Variants in LRFN2 observed in about 807,000 individuals in gnomAD.
LRFN2 encodes the protein leucine rich repeat and fibronectin type III domain containing 2, also known as leucine-rich repeat and fibronectin type-III domain-containing protein 2.
A neutral mutation model predicts 37.3 loss-of-function variants in LRFN2; 18 were observed. The ratio of observed to expected loss-of-function variants is 0.48; its 90% CI spans 0.33 to 0.72. The LOEUF (loss-of-function observed/expected upper bound fraction) is 0.72, where lower values mean the gene tolerates loss of function less well. Among genes scored for constraint, LRFN2 ranks in the 30% least tolerant of loss-of-function variants. LRFN2 has a pLI of 0.02. For synonymous variants in LRFN2, 556 were observed against 466.6 expected (o/e 1.19, Z -2.47); for missense variants, 1,006 against 1,060.7 (o/e 0.95, Z 0.72).
chr6:40,550,056 A>ATAAAAG (rs1383639808), intron 1 of LRFN2, among the ~76,000 whole-genome samples: 2 of 152,128 alleles, frequency 1.3e-5, no homozygotes, highest in Non-Finnish European at 2.9e-5. Flanking sequence ...AAAAATAAAA[A>ATAAAAG]TAAATAAACT....
chr6:40,408,610 G>A (rs909697152), intron 2 of LRFN2, among the ~76,000 whole-genome samples: 1 of 152,194 alleles, frequency 6.6e-6, no homozygotes, highest in Non-Finnish European at 1.5e-5. Context: ...TTCAAATCCT[G>A]CTCTAGCAAT....
intron 1 of LRFN2, among the ~76,000 whole-genome samples, chr6:40,522,973 G>C (rs1766130445): frequency 6.6e-6 from 1 of 152,190 alleles, no homozygotes; most frequent in Non-Finnish European, 1.5e-5. Context: ...GGGAAGGACA[G>C]ACACACAGGC....
intron 1 of LRFN2, among the ~76,000 whole-genome samples, chr6:40,455,058 AT>A (rs1368506851): frequency 6.6e-6 from 1 of 152,218 alleles, no homozygotes; most frequent in African/African-American, 2.4e-5. Context: ...CACTGTTCCC[AT>A]TTTTTAAATT....
At chr6:40,397,330 T>C (rs969029198) in intron 2 of LRFN2, among the ~76,000 whole-genome samples, 1 of 152,192 alleles carries the variant, frequency 6.6e-6, no homozygotes, top group East Asian at 1.9e-4. Flanking sequence ...CCACATACAG[T>C]GTTAGCTTAG....
At chr6:40,505,875 G>C (rs1379830050) in intron 1 of LRFN2, among the ~76,000 whole-genome samples, 1 of 152,194 alleles carries the variant, frequency 6.6e-6, no homozygotes, top group East Asian at 1.9e-4. Context: ...GCCAGCTAGA[G>C]ATCCAAGGCA....
chr6:40,431,763 T>C lies in LRFN2; in HGVS notation c.1351A>G (p.Met451Val). The part of the protein sequence containing the change: ...SVSKSAPRVK[M>V]YQLQYNCSDD... ...GAGCAGTTGTACTGCAGCTGGTACA[T>C]CTTCACCCGGGGTGCTGACTTGCTG... Residue 451 changes from methionine (M) to valine (V), a missense_variant, in exon 2 of 3, where the codon ATG becomes GTG. This residue lies in a region of LRFN2 where 120 missense variants were observed against 178.4 expected (regional missense o/e 0.67). Transcript: ENST00000338305. The C allele has an allele frequency of 6.6e-7, 1 of 1,525,962 alleles. No homozygotes were observed. Among genetic ancestry groups the C allele is most frequent in the South Asian group, 1.3e-5 (1 of 76,264 alleles). The allele number at this position is 1,525,962 out of a possible 1,614,324, so 94.5% of individuals were successfully genotyped here. A position where few individuals can be genotyped will look rare whatever the true frequency, so the allele number is the denominator to read the frequency against.
At chr6:40,545,807 G>A (rs551355505) in intron 1 of LRFN2, among the ~76,000 whole-genome samples, 4 of 152,230 alleles carry the variant, frequency 2.6e-5, no homozygotes, top group Middle Eastern at 3.4e-3. Context: ...GGTCAACCAC[G>A]GCCCCTCTAA....
At chr6:40,577,830 T>G (rs9471382) in intron 1 of LRFN2, among the ~76,000 whole-genome samples, 1 of 143,512 alleles carries the variant, frequency 7.0e-6, no homozygotes, top group East Asian at 2.1e-4. Context: ...AAAATAAAAA[T>G]AAATAAAAAT....
In LRFN2 at chr6:40,392,245, C is replaced by A. The variant is rs1216759568; in HGVS notation, c.2068G>T (p.Gly690Cys). ...AGRGAGTSAR[G>C]HHSDREPLLG... ...AGTGGCTCTCGGTCCGAGTGGTGGC[C>A]CCGGGCCGACGTCCCAGCCCCTCTC... is the stretch of plus-strand genomic sequence containing the variant. Residue 690 changes from glycine (G) to cysteine (C), a missense_variant, in exon 3 of 3, where the codon GGC becomes TGC. Transcript: ENST00000338305. This position sits in a 1 kb window ranked among gnomAD's most constrained non-coding sequence, Gnocchi z 4.7. 1.3e-6 allele frequency: 2 copies of A among 1,576,254 alleles called. No individual in the cohort carries two copies. Among genetic ancestry groups the A allele is most frequent in the South Asian group, 2.4e-5 (2 of 83,912 alleles).
At chr6:40,554,144 C>T (rs1458028964) in intron 1 of LRFN2, among the ~76,000 whole-genome samples, 2 of 152,220 alleles carry the variant, frequency 1.3e-5, no homozygotes, top group Admixed American at 6.5e-5. Context: ...ACTCCTGTCC[C>T]CCCGAAGTGG....
chr6:40,531,502 A>G lies in LRFN2; in HGVS notation c.-19+55439T>C, dbSNP rs1012049106. Reference sequence around the variant, plus strand: ...GTATGCCTCAAGATAGCTGTAGTCAATTCTACCCAATGGTCTTCTGAGAGT... The same window carrying G: ...GTATGCCTCAAGATAGCTGTAGTCAGTTCTACCCAATGGTCTTCTGAGAGT... On this transcript the variant is annotated intron_variant, in intron 1 of 2. Coordinates refer to ENST00000338305, the MANE Select transcript of LRFN2 (RefSeq NM_020737.3). Among the ~76,000 whole-genome samples the G allele has an allele frequency of 5.3e-5, 8 of 152,242 alleles. No homozygotes were observed. In the South Asian group the frequency reaches 6.2e-4, roughly 12 times the overall value.
intron 1 of LRFN2, among the ~76,000 whole-genome samples, chr6:40,536,026 G>A (rs1766442444): frequency 6.6e-6 from 1 of 152,084 alleles, no homozygotes; most frequent in African/African-American, 2.4e-5. Flanking sequence ...AGTCAGGTGG[G>A]GAGATGGAAA....
chr6:40,431,315 G>A (rs1763474385), intron 2 of LRFN2, among the ~76,000 whole-genome samples: 4 of 152,182 alleles, frequency 2.6e-5, no homozygotes, highest in Admixed American at 2.6e-4. Flanking sequence ...CTGCATATGA[G>A]TCCAGGTGAA....
intron 1 of LRFN2, among the ~76,000 whole-genome samples, chr6:40,496,532 G>T (rs1310476612): frequency 6.6e-6 from 1 of 151,824 alleles, no homozygotes; most frequent in African/African-American, 2.4e-5. Context: ...TAGAATCTTT[G>T]CACTGATTAG....
intron 2 of LRFN2, among the ~76,000 whole-genome samples, chr6:40,412,527 A>G (rs1404427835): frequency 1.3e-5 from 2 of 152,092 alleles, no homozygotes; most frequent in Non-Finnish European, 2.9e-5. Context: ...CTGGCCTGAG[A>G]GCTTCTCCCA....
intron 1 of LRFN2, among the ~76,000 whole-genome samples, chr6:40,578,791 A>G (rs1332953403): frequency 6.6e-6 from 1 of 152,160 alleles, no homozygotes; most frequent in Non-Finnish European, 1.5e-5. Flanking sequence ...GGGTACTATT[A>G]TTATCCTCAT....
chr6:40,523,505 ATTTT>A (rs751179915), intron 1 of LRFN2, among the ~76,000 whole-genome samples: 1 of 129,320 alleles, frequency 7.7e-6, no homozygotes, highest in African/African-American at 2.8e-5. Context: ...TCTTTAGGTG[ATTTT>A]TTTTTTTTTT....
chr6:40,506,567 T>C (rs12662633), intron 1 of LRFN2, among the ~76,000 whole-genome samples: 10,023 of 152,170 alleles, frequency 0.066, 701 homozygotes, highest in African/African-American at 0.16. Context: ...ATGAGGAAGG[T>C]GCATTCATCA....
chr6:40,540,721 T>C (rs1280749321), intron 1 of LRFN2, among the ~76,000 whole-genome samples: 4 of 152,076 alleles, frequency 2.6e-5, no homozygotes, highest in Non-Finnish European at 4.4e-5. Context: ...TCCTTCCCCA[T>C]GTGGAGGGCA....
Sources: allele counts gnomAD v4.1 joint callset (sites outside exome capture counted in the v4.1 genomes callset), GRCh38; gene constraint gnomAD v4.1.1; regional missense constraint gnomAD v4.1.1; non-coding constraint Gnocchi (gnomAD v3.1); transcripts MANE v1.5; gene names NCBI Gene and HGNC (gene_info 2026-07-23, HGNC 2026-07-21).